Variants in CAPN8 observed in about 807,000 individuals in gnomAD.
CAPN8 encodes calpain 8.
Under a neutral mutation model 80.9 loss-of-function variants are expected in CAPN8, and 87 were observed. That is an observed-to-expected ratio of 1.07 (90% confidence interval 0.90 to 1.28). The LOEUF (loss-of-function observed/expected upper bound fraction) is 1.28. CAPN8 is among the 50% of genes most tolerant of loss of function. The pLI, the probability that CAPN8 is intolerant of heterozygous loss-of-function variation, is 0.00. For synonymous variants in CAPN8, 299 were observed against 273.8 expected (o/e 1.09, Z -0.91); for missense variants, 757 against 702.0 (o/e 1.08, Z -0.89).
At position 223,646,416 on chromosome 1, in the gene CAPN8, C is replaced by T. The variant is rs542158142; in HGVS notation, c.307+7914G>A. Among the ~76,000 whole-genome samples, 5 of 152,334 alleles carry T rather than the reference C, an allele frequency of 3.3e-5. No homozygotes were observed. In the East Asian group the frequency reaches 5.8e-4, roughly 18 times the overall value. ...TCCCAGATGCTGATGCCAGGGCTTC[C>T]AGTAAATGCCCAGAGCTGCCCTGAA... On this transcript the variant is annotated intron_variant, in intron 2 of 20. Coordinates refer to ENST00000366872, the MANE Select transcript of CAPN8 (RefSeq NM_001143962.2).
chr1:223,654,224 T>C (rs1658417551), intron 2 of CAPN8, 106 bp downstream of exon 2: 2 of 937,866 alleles, frequency 2.1e-6, no homozygotes, highest in Non-Finnish European at 3.3e-6. Flanking sequence ...ACACATCAGG[T>C]ACCTAATTCA....
At chr1:223,651,135 C>T (rs937080478) in intron 2 of CAPN8, among the ~76,000 whole-genome samples, 12 of 152,128 alleles carry the variant, frequency 7.9e-5, no homozygotes, top group South Asian at 6.2e-4. Flanking sequence ...GTGGCCCTTG[C>T]TAGGCCTGGT....
intron 2 of CAPN8, among the ~76,000 whole-genome samples, chr1:223,638,921 T>C (rs916978061): frequency 3.9e-5 from 6 of 152,216 alleles, no homozygotes; most frequent in African/African-American, 1.4e-4. Flanking sequence ...TTGCCCACAA[T>C]AAATCCTGCT....
At chr1:223,621,414 G>A (rs145694795) in intron 7 of CAPN8, among the ~76,000 whole-genome samples, 1,949 of 152,214 alleles carry the variant, frequency 0.013, 21 homozygotes, top group Middle Eastern at 0.054. Context: ...CCTCCCGCCT[G>A]CCAGGGAGCG....
chr1:223,627,886 C>T, intron 4 of CAPN8, 123 bp downstream of exon 4: 1 of 1,185,786 alleles, frequency 8.4e-7, no homozygotes, highest in Non-Finnish European at 1.2e-6. Context: ...TCATGGGGGT[C>T]TGGATGCTGG....
At chr1:223,609,931 C>G (rs1656989844) in intron 11 of CAPN8, among the ~76,000 whole-genome samples, 1 of 152,184 alleles carries the variant, frequency 6.6e-6, no homozygotes, top group African/African-American at 2.4e-5. Context: ...TAGGCCTAGT[C>G]TGGGGTCCCC....
At chr1:223,638,056 TCAAC>T (rs1657950961) in intron 2 of CAPN8, among the ~76,000 whole-genome samples, 1 of 152,166 alleles carries the variant, frequency 6.6e-6, no homozygotes, top group Admixed American at 6.5e-5. Context: ...ATCCATGGGT[TCAAC>T]CAACTGCAGG....
chr1:223,544,399 A>G, intron 18 of CAPN8: 2 of 587,068 alleles, frequency 3.4e-6, no homozygotes. Flanking sequence ...GCCTAATTCC[A>G]GGTCCAGCGC....
rs1251096614 is a variant in CAPN8, at chr1:223,628,025, C to T, written c.544G>A (p.Glu182Lys). 2.6e-6 allele frequency: 4 copies of T among 1,546,178 alleles called. No individual in the cohort carries two copies. Among genetic ancestry groups the T allele is most frequent in the Non-Finnish European group, 3.5e-6 (4 of 1,143,364 alleles). Reference sequence around the variant, plus strand: ...CCCACTTACTTGGCATAGGCTTTCTCCAGCAGGGCACTCCAGAATTCATTG... The same window carrying T: ...CCCACTTACTTGGCATAGGCTTTCTTCAGCAGGGCACTCCAGAATTCATTG... ...QGNEFWSALLEKAYAKLNGCY... is the reference protein window; with the variant it reads ...QGNEFWSALLKKAYAKLNGCY... Residue 182 changes from glutamate to lysine, a missense_variant, in exon 4 of 21, where the codon GAG becomes AAG. Coordinates refer to ENST00000366872, the MANE Select transcript of CAPN8 (RefSeq NM_001143962.2).
rs1003714460 is a variant in CAPN8 at position 223,616,059 on chromosome 1, T to C, written c.1222A>G (p.Thr408Ala). ...TTCTGCATCAGGCCCAGCAGCACTG[T>C]ACAGCAGGGTTCACCGATGCTCTCC... ...QEESIGEPCC[T>A]VLLGLMQKNR... The change falls in exon 10 of 21, where the codon ACA becomes GCA. Residue 408 changes from threonine (T) to alanine (A), a missense_variant. Physicochemically the swap from Thr to Ala is moderately conservative, Grantham distance 58. Transcript: ENST00000366872. The C allele has an allele frequency of 6.4e-7, 1 of 1,552,158 alleles. No individual in the cohort carries two copies. The highest frequency in any genetic ancestry group is 8.7e-7 in the Non-Finnish European group (1 of 1,147,120).
chr1:223,643,848 T>C (rs1415193255), intron 2 of CAPN8, among the ~76,000 whole-genome samples: 2 of 152,136 alleles, frequency 1.3e-5, no homozygotes, highest in Non-Finnish European at 2.9e-5. Context: ...CTGAAGACGG[T>C]AAACCCGTCC....
intron 1 of CAPN8, among the ~76,000 whole-genome samples, chr1:223,664,933 C>T (rs1235975834): frequency 6.6e-6 from 1 of 152,080 alleles, no homozygotes; most frequent in East Asian, 1.9e-4. Context: ...GAGTGAGACT[C>T]TGCCTCAAAA....
chr1:223,621,260 TA>T (rs1172569845), intron 7 of CAPN8, among the ~76,000 whole-genome samples: 7 of 107,928 alleles, frequency 6.5e-5, no homozygotes, highest in African/African-American at 1.1e-4. Context: ...TTTTTTTTTT[TA>T]AGTAAAATCT....
At chr1:223,625,195 T>C (rs891804812) in intron 6 of CAPN8, among the ~76,000 whole-genome samples, 5 of 152,242 alleles carry the variant, frequency 3.3e-5, no homozygotes, top group African/African-American at 1.2e-4. Context: ...TCCATGACTC[T>C]ACCCCACCCT....
intron 1 of CAPN8, among the ~76,000 whole-genome samples, chr1:223,658,295 T>C (rs1169082277): frequency 6.6e-6 from 1 of 152,148 alleles, no homozygotes; most frequent in Non-Finnish European, 1.5e-5. Context: ...TGAGTTTGGG[T>C]TGGAAGACAG....
chr1:223,662,612 G>A (rs1658676869), intron 1 of CAPN8, among the ~76,000 whole-genome samples: 1 of 152,180 alleles, frequency 6.6e-6, no homozygotes, highest in Non-Finnish European at 1.5e-5. Context: ...CAATGGGAAT[G>A]TACTTAATGC....
At position 223,651,487 on chromosome 1, in the gene CAPN8, G is replaced by T. The variant is rs10915792; in HGVS notation, c.307+2843C>A. ...GCTCCTGGGCTCTAAGTAAGCATAA[G>T]CTCTGATGGTAGCCAAGAGACTCAT... On this transcript the variant is annotated intron_variant, in intron 2 of 20. Coordinates refer to ENST00000366872, the MANE Select transcript of CAPN8 (RefSeq NM_001143962.2). 2.3e-3 allele frequency among the ~76,000 whole-genome samples: 344 copies of T among 152,288 alleles called. 2 individuals carry two copies. The highest frequency in any genetic ancestry group is 7.9e-3 in the African/African-American group (330 of 41,540).
chr1:223,542,612 A>G (rs1488021620), intron 20 of CAPN8, among the ~76,000 whole-genome samples: 1 of 152,196 alleles, frequency 6.6e-6, no homozygotes, highest in Admixed American at 6.5e-5. Flanking sequence ...CCCTCTGGCC[A>G]GTAAAGGCCT....
chr1:223,631,229 G>A (rs34944580), intron 2 of CAPN8, among the ~76,000 whole-genome samples: 111,563 of 151,946 alleles, frequency 0.73, 41,432 homozygotes, highest in African/African-American at 0.84. Flanking sequence ...CTCTGATACC[G>A]CCTACCCTCC....
Sources: gnomAD v4.1 joint callset for allele counts (sites outside exome capture counted in the v4.1 genomes callset) on GRCh38, gnomAD v4.1.1 for gene constraint, MANE v1.5 for transcripts, NCBI Gene and HGNC (gene_info 2026-07-23, HGNC 2026-07-21) for gene names.